The following TTC34 variants were observed in gnomAD, a reference collection of about 807,000 sequenced individuals.
The protein encoded by TTC34 is tetratricopeptide repeat domain 34, also known as tetratricopeptide repeat protein 34.
Under a neutral mutation model 40.7 loss-of-function variants are expected in TTC34, and 44 were observed. That is an observed-to-expected ratio of 1.08 (90% CI 0.85 to 1.39). The LOEUF is 1.39. Ranked by LOEUF, TTC34 falls within the 40% of genes most tolerant of loss-of-function variation. The probability of loss-of-function intolerance (pLI) is 0.00; values close to 1 mark genes in which losing one functional copy is unlikely to be tolerated. For missense variants in TTC34, 884 were observed against 838.0 expected, an observed-to-expected ratio of 1.05 and a Z score of -0.68; for synonymous variants, 422 against 398.6, an observed-to-expected ratio of 1.06 and a Z score of -0.70.
At chr1:2,692,505 C>G (rs1229832286) in intron 6 of TTC34, among the ~76,000 whole-genome samples, 37 of 130,750 alleles carry the variant, frequency 2.8e-4, no homozygotes, top group Middle Eastern at 4.4e-3. Context: ...CAGCCTGCAC[C>G]CCCAGGTGTG....
At chr1:2,753,777 C>A (rs1334452145) in intron 6 of TTC34, among the ~76,000 whole-genome samples, 79 of 71,976 alleles carry the variant, frequency 1.1e-3, no homozygotes, top group African/African-American at 3.2e-3. Context: ...GGCACCCACA[C>A]CCCTAGGTGA....
intron 3 of TTC34, 120 bp downstream of exon 3, chr1:2,789,383 G>C (rs898690949): frequency 9.8e-7 from 1 of 1,022,048 alleles, no homozygotes; most frequent in Non-Finnish European, 1.4e-6. Context: ...GGTGCTTTGG[G>C]AAGTCACCAG....
rs1021912278 is a variant in TTC34, at chr1:2,767,853, G to C, written c.2226+15756C>G. ...CCTGGAGCAGCACCCACACCCCCAG[G>C]TGTGCATCTGACAGCCTGAAACAGC... is the stretch of plus-strand genomic sequence containing the variant. On this transcript the variant is annotated intron_variant, in intron 6 of 8. Transcript: ENST00000401095. Among the ~76,000 whole-genome samples the C allele has an allele frequency of 8.0e-5, 12 of 150,734 alleles. 1 individual carries two copies. Among genetic ancestry groups the C allele is most frequent in the Non-Finnish European group, 1.5e-4 (10 of 67,662 alleles).
chr1:2,646,492 C>T (rs1639024082), intron 6 of TTC34, among the ~76,000 whole-genome samples: 1 of 152,168 alleles, frequency 6.6e-6, no homozygotes, highest in African/African-American at 2.4e-5. Context: ...TTAAGTGATC[C>T]TCCCACTTCT....
At chr1:2,691,620 G>C (rs1569591520) in intron 6 of TTC34, among the ~76,000 whole-genome samples, 1 of 94,272 alleles carries the variant, frequency 1.1e-5, no homozygotes, top group African/African-American at 3.7e-5. Context: ...ACAGCACCCT[G>C]CACCCCCAGG....
intron 6 of TTC34, among the ~76,000 whole-genome samples, chr1:2,683,474 A>T (rs139328428): frequency 7.2e-5 from 4 of 55,624 alleles, no homozygotes; most frequent in Non-Finnish European, 8.5e-5. Context: ...CACCCACACC[A>T]CCAGGCGAGC....
At chr1:2,797,897 C>A (rs745445483) in intron 2 of TTC34, among the ~76,000 whole-genome samples, 34 of 152,020 alleles carry the variant, frequency 2.2e-4, no homozygotes, top group Non-Finnish European at 4.6e-4. Flanking sequence ...TTAAATCTAC[C>A]CACAATCTCG....
At chr1:2,660,831 T>A (rs796650169) in intron 6 of TTC34, among the ~76,000 whole-genome samples, 71 of 2,478 alleles carry the variant, frequency 0.029, no homozygotes, top group South Asian at 0.075. Context: ...AGCACCCACA[T>A]CCCCAGGTGA....
chr1:2,761,122 C>A lies in TTC34; in HGVS notation c.2226+22487G>T, dbSNP rs1323112917. Among the ~76,000 whole-genome samples the A allele has an allele frequency of 1.5e-4, 8 of 52,564 alleles. 2 individuals carry two copies. Among genetic ancestry groups the A allele is most frequent in the Admixed American group, 1.3e-3 (7 of 5,564 alleles). The allele number at this position is 52,564 out of a possible 152,430, so 34.5% of individuals were successfully genotyped here. On this transcript the variant is annotated intron_variant, in intron 6 of 8. Coordinates refer to ENST00000401095, the Ensembl canonical transcript of TTC34. Reference sequence around the variant, plus strand: ...CGGACATCCTGGAGCATCACATACTCCCCCAGGTGAGCATCCGACAGCCTG... The same window carrying A: ...CGGACATCCTGGAGCATCACATACTACCCCAGGTGAGCATCCGACAGCCTG...
intron 6 of TTC34, among the ~76,000 whole-genome samples, chr1:2,758,146 A>AG (rs1641567896): frequency 9.1e-5 from 5 of 55,180 alleles, no homozygotes; most frequent in African/African-American, 3.8e-4. Flanking sequence ...CTGGAGCAGC[A>AG]CCCACATCCC....
At position 2,777,252 on chromosome 1, in the gene TTC34, C is replaced by G. The variant is rs370190464; in HGVS notation, c.2226+6357G>C. On this transcript the variant is annotated intron_variant, in intron 6 of 8. Coordinates refer to ENST00000401095, the Ensembl canonical transcript of TTC34. ...TGACATCCTGGAACAGCACCCCACA[C>G]CCCCAGTGAGCATCTGACAACCTGG... is the stretch of plus-strand genomic sequence containing the variant. Among the ~76,000 whole-genome samples, 376 of 133,144 alleles carry G rather than the reference C, an allele frequency of 2.8e-3. 9 individuals carry two copies. In the East Asian group the frequency reaches 0.055, roughly 20 times the overall value. The allele number at this position is 133,144 out of a possible 152,430, so 87.3% of individuals were successfully genotyped here. A position where few individuals can be genotyped will look rare whatever the true frequency, so the allele number is the denominator to read the frequency against.
intron 4 of TTC34, among the ~76,000 whole-genome samples, 169 bp from the exon 5 acceptor site, chr1:2,786,192 A>G (rs1054920347): frequency 6.6e-6 from 1 of 151,584 alleles, no homozygotes; most frequent in African/African-American, 2.4e-5. Flanking sequence ...CCCAGTTCCA[A>G]CGCCCCTGGC....
chr1:2,757,536 GAACAGCACCCACACTCCCAGA>G (rs1641546584), intron 6 of TTC34, among the ~76,000 whole-genome samples: 1 of 142,964 alleles, frequency 7.0e-6, no homozygotes, highest in African/African-American at 2.7e-5. Flanking sequence ...TGACAGCCTG[GAACAGCACCCACACTCCCAGA>G]CGAGCATAGG....
intron 6 of TTC34, among the ~76,000 whole-genome samples, chr1:2,699,738 A>AGG (rs1395717135): frequency 9.4e-5 from 6 of 64,058 alleles, no homozygotes; most frequent in Non-Finnish European, 2.4e-4. Flanking sequence ...CCACACCCCC[A>AGG]TTTGAGCATC....
chr1:2,787,374 C>T, intron 4 of TTC34, 107 bp downstream of exon 4: 2 of 1,084,236 alleles, frequency 1.8e-6, no homozygotes, highest in Non-Finnish European at 2.5e-6. Flanking sequence ...TCGCCTGGTC[C>T]AAAGCCCAGA....
intron 6 of TTC34, among the ~76,000 whole-genome samples, chr1:2,656,418 C>A (rs1227405377): frequency 1.4e-5 from 1 of 69,832 alleles, no homozygotes; most frequent in Non-Finnish European, 2.9e-5. Flanking sequence ...ACCCACACCC[C>A]CAGGTGAGCA....
intron 2 of TTC34, among the ~76,000 whole-genome samples, chr1:2,793,663 C>G (rs890714356): frequency 6.6e-6 from 1 of 152,160 alleles, no homozygotes; most frequent in Non-Finnish European, 1.5e-5. Flanking sequence ...AATCAGTACC[C>G]TCCATTGAAT....
exon 6 of TTC34, chr1:2,783,626 C>T: frequency 2.1e-6 from 3 of 1,444,514 alleles, no homozygotes; most frequent in African/African-American, 1.4e-5. Flanking sequence ...TGGTCTAGGG[C>T]CAGGTGCACC....
intron 6 of TTC34, among the ~76,000 whole-genome samples, chr1:2,752,903 G>A (rs1427212813): frequency 2.8e-5 from 4 of 145,374 alleles, no homozygotes; most frequent in African/African-American, 7.8e-5. Context: ...ACCCCCAGGT[G>A]AGCATCCGAC....
Sources: allele counts gnomAD v4.1 joint callset (sites outside exome capture counted in the v4.1 genomes callset), GRCh38; gene constraint gnomAD v4.1.1; transcripts MANE v1.5; gene names NCBI Gene and HGNC (gene_info 2026-07-23, HGNC 2026-07-21).